The following CEP112 variants were observed in gnomAD, a reference collection of about 807,000 sequenced individuals.
CEP112 encodes the protein centrosomal protein 112, also known as centrosomal protein of 112 kDa.
Under a neutral mutation model 153.0 loss-of-function variants are expected in CEP112, and 127 were observed. The ratio of observed to expected loss-of-function variants is 0.83; its 90% CI spans 0.72 to 0.96. The LOEUF (loss-of-function observed/expected upper bound fraction) is 0.96. Ranked by LOEUF, CEP112 falls within the 40% of genes least tolerant of loss-of-function variation. The pLI, the probability that CEP112 is intolerant of heterozygous loss-of-function variation, is 0.00. For synonymous variants in CEP112, 358 were observed against 374.4 expected (o/e 0.96, Z 0.51); for missense variants, 1,089 against 1,101.2 (o/e 0.99, Z 0.16).
chr17:65,929,139 C>G (rs2061034685), intron 18 of CEP112, among the ~76,000 whole-genome samples: 1 of 152,190 alleles, frequency 6.6e-6, no homozygotes, highest in Non-Finnish European at 1.5e-5. Context: ...GTTTGCATAA[C>G]ATCCTGAATA....
At chr17:65,940,244 G>A (rs1330597880) in intron 18 of CEP112, among the ~76,000 whole-genome samples, 1 of 152,184 alleles carries the variant, frequency 6.6e-6, no homozygotes, top group Non-Finnish European at 1.5e-5. Context: ...AACAAGTGCT[G>A]CTGAGGATGT....
chr17:65,960,976 T>C (rs2062177548), intron 18 of CEP112, among the ~76,000 whole-genome samples: 1 of 151,424 alleles, frequency 6.6e-6, no homozygotes, highest in Non-Finnish European at 1.5e-5. Context: ...ATTCCCTTTA[T>C]TCTTTTACAA....
chr17:65,657,118 T>A (rs1288086574), intron 24 of CEP112, among the ~76,000 whole-genome samples: 2 of 152,204 alleles, frequency 1.3e-5, no homozygotes, highest in Non-Finnish European at 1.5e-5. Flanking sequence ...GTTGGTTTCA[T>A]CATGCTCTTT....
intron 8 of CEP112, among the ~76,000 whole-genome samples, chr17:66,076,111 G>A (rs1369538501): frequency 6.6e-5 from 10 of 152,186 alleles, no homozygotes; most frequent in East Asian, 1.9e-4. Flanking sequence ...GACCTTTTGC[G>A]AGGGCAGCTA....
intron 12 of CEP112, among the ~76,000 whole-genome samples, chr17:66,051,173 C>A (rs2066425421): frequency 6.7e-6 from 1 of 150,148 alleles, no homozygotes; most frequent in Non-Finnish European, 1.5e-5. Context: ...GAGACATGGT[C>A]TCACCATGTT....
intron 20 of CEP112, among the ~76,000 whole-genome samples, chr17:65,866,263 C>T (rs9897927): frequency 0.14 from 21,924 of 152,252 alleles, 1,630 homozygotes; most frequent in African/African-American, 0.17. Context: ...TGCAGCCTGG[C>T]CGGTTGTGCG....
chr17:66,164,556 C>A (rs1239270550), intron 4 of CEP112, among the ~76,000 whole-genome samples: 3 of 104,542 alleles, frequency 2.9e-5, no homozygotes, highest in South Asian at 3.6e-4. Context: ...AACTCTATCT[C>A]AAAAAAAAAA....
At chr17:65,700,871 A>C (rs1161650046) in intron 23 of CEP112, among the ~76,000 whole-genome samples, 4 of 152,226 alleles carry the variant, frequency 2.6e-5, no homozygotes, top group Non-Finnish European at 5.9e-5. Context: ...CAGCCCTCTC[A>C]GCATATAGGA....
intron 21 of CEP112, among the ~76,000 whole-genome samples, chr17:65,830,489 G>C (rs990409899): frequency 2.0e-5 from 3 of 152,208 alleles, no homozygotes; most frequent in Non-Finnish European, 4.4e-5. Flanking sequence ...TAATGGGAAT[G>C]CCAGGAATAC....
chr17:65,786,215 T>C (rs2054266417), intron 21 of CEP112, among the ~76,000 whole-genome samples: 1 of 152,212 alleles, frequency 6.6e-6, no homozygotes. Context: ...CATTATCAGA[T>C]TGTTTACTCC....
chr17:65,680,937 C>G (rs1487882212), intron 24 of CEP112, among the ~76,000 whole-genome samples: 1 of 152,104 alleles, frequency 6.6e-6, no homozygotes, highest in African/African-American at 2.4e-5. Context: ...GGAAACTGCC[C>G]GCCATGATCC....
chr17:65,640,363 A>C (rs1851534093), intron 25 of CEP112, among the ~76,000 whole-genome samples: 5 of 151,996 alleles, frequency 3.3e-5, no homozygotes, highest in Admixed American at 2.0e-4. Flanking sequence ...CGTGTTGGCC[A>C]GGATGGTCTC....
chr17:65,654,843 CAA>C (rs1223618030), intron 24 of CEP112: 1 of 422,394 alleles, frequency 2.4e-6, no homozygotes. Flanking sequence ...GTTCATGAAT[CAA>C]AGACTTAAAT....
intron 4 of CEP112, among the ~76,000 whole-genome samples, chr17:66,165,098 A>G (rs1453923820): frequency 6.6e-6 from 1 of 151,108 alleles, no homozygotes; most frequent in Non-Finnish European, 1.5e-5. Context: ...GTTTCTATGC[A>G]CCAGCACCCA....
chr17:65,998,666 TATAATA>T (rs962374955), intron 17 of CEP112, among the ~76,000 whole-genome samples: 1 of 151,592 alleles, frequency 6.6e-6, no homozygotes, highest in Non-Finnish European at 1.5e-5. Context: ...ATATAGTCGT[TATAATA>T]ATAATATTAA....
At chr17:66,060,546 T>A (rs893502686) in intron 11 of CEP112, among the ~76,000 whole-genome samples, 1 of 151,852 alleles carries the variant, frequency 6.6e-6, no homozygotes, top group Non-Finnish European at 1.5e-5. Flanking sequence ...GCTATTGGCA[T>A]AAAAACAGAC....
At chr17:65,775,371 G>A (rs1292030669) in intron 21 of CEP112, among the ~76,000 whole-genome samples, 1 of 152,014 alleles carries the variant, frequency 6.6e-6, no homozygotes, top group African/African-American at 2.4e-5. Flanking sequence ...CAGGGGAAGG[G>A]GGTTGAGGAA....
chr17:65,799,063 TG>T (rs2055105188), intron 21 of CEP112, among the ~76,000 whole-genome samples: 2 of 152,234 alleles, frequency 1.3e-5, no homozygotes, highest in South Asian at 4.1e-4. Flanking sequence ...ACTCAAAAGT[TG>T]TTCCCTTCCA....
At chr17:66,000,178 A>G (rs550101945) in intron 17 of CEP112, among the ~76,000 whole-genome samples, 1 of 149,510 alleles carries the variant, frequency 6.7e-6, no homozygotes, top group East Asian at 2.0e-4. Flanking sequence ...ACTAATTTAC[A>G]CTCCCAACAG....
Sources: allele counts gnomAD v4.1 joint callset (sites outside exome capture counted in the v4.1 genomes callset), GRCh38; gene constraint gnomAD v4.1.1; transcripts MANE v1.5; gene names NCBI Gene and HGNC (gene_info 2026-07-23, HGNC 2026-07-21).